Variants in INVS observed in about 807,000 individuals in gnomAD.
INVS encodes inversin, also known as inversion of embryo turning homolog.
A neutral mutation model predicts 108.8 loss-of-function variants in INVS; 86 were observed. The ratio of observed to expected loss-of-function variants is 0.79; its 90% CI spans 0.66 to 0.95. INVS has a LOEUF of 0.95. INVS is among the 40% of genes least tolerant of loss of function. INVS has a pLI of 0.00. For missense variants in INVS, 1,169 were observed against 1,297.4 expected (o/e 0.90, Z 1.52); for synonymous variants, 455 against 473.5 (o/e 0.96, Z 0.51).
chr9:100,273,213 C>T, intron 12 of INVS, 137 bp downstream of exon 12: 1 of 727,912 alleles, frequency 1.4e-6, no homozygotes. Context: ...AACCGGTCAT[C>T]TTCCCTCTTC....
intron 3 of INVS, among the ~76,000 whole-genome samples, chr9:100,157,409 C>T (rs1479246553): frequency 6.6e-6 from 1 of 151,572 alleles, no homozygotes; most frequent in African/African-American, 2.4e-5. Context: ...GGACTACAGG[C>T]GCCTGCCACC....
At chr9:100,134,069 T>C (rs1828143713) in intron 3 of INVS, among the ~76,000 whole-genome samples, 3 of 152,090 alleles carry the variant, frequency 2.0e-5, no homozygotes, top group Admixed American at 6.6e-5. Context: ...ACCATATTTG[T>C]TGTCTTTTAT....
intron 3 of INVS, among the ~76,000 whole-genome samples, chr9:100,203,312 C>T (rs745350091): frequency 6.6e-6 from 1 of 151,908 alleles, no homozygotes; most frequent in Non-Finnish European, 1.5e-5. Context: ...CTCAGTAGCT[C>T]GACTTCTTGT....
At chr9:100,208,402 T>A in intron 3 of INVS, among the ~76,000 whole-genome samples, 1 of 152,198 alleles carries the variant, frequency 6.6e-6, no homozygotes, top group Admixed American at 6.5e-5. Context: ...CATTAAAGGT[T>A]TTTTAGTATA....
At chr9:100,116,145 CT>C (rs1564119133) in intron 2 of INVS, among the ~76,000 whole-genome samples, 1 of 147,270 alleles carries the variant, frequency 6.8e-6, no homozygotes, top group African/African-American at 2.5e-5. Context: ...ACTCTGTCAC[CT>C]AAGCTGGAGT....
chr9:100,225,868 A>G (rs533170356), intron 3 of INVS, among the ~76,000 whole-genome samples, 194 bp from the exon 4 acceptor site: 20 of 152,074 alleles, frequency 1.3e-4, no homozygotes, highest in Non-Finnish European at 2.4e-4. Context: ...ATTCATGTAG[A>G]AAGTTCTTGG....
intron 3 of INVS, among the ~76,000 whole-genome samples, chr9:100,131,056 A>T (rs1265042109): frequency 6.6e-6 from 1 of 152,084 alleles, no homozygotes; most frequent in Non-Finnish European, 1.5e-5. Flanking sequence ...TCTTGGGTTC[A>T]TTAGTGGGAA....
At chr9:100,166,784 G>T (rs1468878747) in intron 3 of INVS, among the ~76,000 whole-genome samples, 1 of 152,058 alleles carries the variant, frequency 6.6e-6, no homozygotes, top group Non-Finnish European at 1.5e-5. Context: ...CATCATGTTG[G>T]GTTAGATTAT....
At chr9:100,235,402 T>C (rs1474791911) in intron 5 of INVS, among the ~76,000 whole-genome samples, 1 of 152,228 alleles carries the variant, frequency 6.6e-6, no homozygotes, top group Non-Finnish European at 1.5e-5. Context: ...AATTTGATCC[T>C]GTTATCATGA....
chr9:100,143,075 C>T (rs1828484951), intron 3 of INVS, among the ~76,000 whole-genome samples: 1 of 152,052 alleles, frequency 6.6e-6, no homozygotes, highest in Non-Finnish European at 1.5e-5. Context: ...AGCAGTACAG[C>T]CTAAGTAATT....
chr9:100,183,457 A>T (rs1440502041), intron 3 of INVS, among the ~76,000 whole-genome samples: 3 of 152,190 alleles, frequency 2.0e-5, no homozygotes, highest in African/African-American at 7.2e-5. Context: ...TGAAATAAGG[A>T]CAAACAAAAC....
At chr9:100,255,773 C>T (rs575840088) in intron 10 of INVS, among the ~76,000 whole-genome samples, 3 of 152,280 alleles carry the variant, frequency 2.0e-5, no homozygotes, top group African/African-American at 7.2e-5. Context: ...CCCACTTGAT[C>T]ATGGTGGATA....
chr9:100,105,850 C>CTTTT (rs543070811), intron 2 of INVS, among the ~76,000 whole-genome samples: 47 of 63,824 alleles, frequency 7.4e-4, no homozygotes, highest in East Asian at 3.0e-3. Flanking sequence ...GAAAAATTCC[C>CTTTT]TTTTTTTTTT....
chr9:100,105,722 C>G (rs894284455), intron 2 of INVS, among the ~76,000 whole-genome samples: 1 of 152,118 alleles, frequency 6.6e-6, no homozygotes, highest in African/African-American at 2.4e-5. Flanking sequence ...GTTTTCCATG[C>G]TCACTGAGAC....
chr9:100,215,631 A>T (rs1830962929), intron 3 of INVS: 1 of 152,276 alleles, frequency 6.6e-6, no homozygotes, highest in African/African-American at 2.4e-5. Context: ...TGTTAGGCAT[A>T]TCATGGTCAG....
chr9:100,250,706 G>A (rs542704874), intron 8 of INVS, among the ~76,000 whole-genome samples: 20 of 152,228 alleles, frequency 1.3e-4, no homozygotes, highest in South Asian at 6.2e-4. Context: ...TTTTCACTCA[G>A]TCTACTGCCA....
intron 3 of INVS, among the ~76,000 whole-genome samples, chr9:100,193,451 C>A (rs185793838): frequency 6.6e-6 from 1 of 152,092 alleles, no homozygotes; most frequent in Non-Finnish European, 1.5e-5. Context: ...ATTCCTTCTG[C>A]GTATTTAGTA....
intron 3 of INVS, among the ~76,000 whole-genome samples, chr9:100,200,299 G>GT (rs1161347368): frequency 1.3e-5 from 2 of 151,904 alleles, no homozygotes; most frequent in Non-Finnish European, 2.9e-5. Flanking sequence ...CTTTATTTTG[G>GT]TTTTTTTCTC....
chr9:100,187,125 C>T (rs983258427), intron 3 of INVS, among the ~76,000 whole-genome samples: 1 of 151,894 alleles, frequency 6.6e-6, no homozygotes, highest in Non-Finnish European at 1.5e-5. Context: ...GTTTTTTCCC[C>T]AATTTATGTT....
Sources: allele counts gnomAD v4.1 joint callset (sites outside exome capture counted in the v4.1 genomes callset), GRCh38; gene constraint gnomAD v4.1.1; transcripts MANE v1.5; gene names NCBI Gene and HGNC (gene_info 2026-07-23, HGNC 2026-07-21).